Variants in SLC16A12 observed in about 807,000 individuals in gnomAD.
The protein encoded by SLC16A12 is solute carrier family 16 member 12.
SLC16A12 carries 17 observed loss-of-function variants against 42.4 expected under a neutral mutation model. The ratio of observed to expected loss-of-function variants is 0.40; its 90% CI spans 0.27 to 0.60. The LOEUF is 0.60. SLC16A12 is among the 20% of genes least tolerant of loss of function. The pLI, the probability that SLC16A12 is intolerant of heterozygous loss-of-function variation, is 0.42. For missense variants in SLC16A12, 544 were observed against 623.0 expected (o/e 0.87, Z 1.35); for synonymous variants, 224 against 229.4 (o/e 0.98, Z 0.21).
rs1841955215 is a variant in SLC16A12, at chr10:89,443,836, T to G, written c.224A>C (p.Glu75Ala). ...ATCCTGAGTGAAGTATGTCTGGAAC[T>G]CCACAAAAAAAATTGAGATACATCT... ...VTRCISIFFV[E>A]FQTYFTQDYA... Residue 75 changes from glutamate (E) to alanine (A), a missense_variant, in exon 4 of 8, where the codon GAG becomes GCG. Physicochemically the swap from Glu to Ala is moderately radical, Grantham distance 107 (BLOSUM62 -1). Transcript: ENST00000371790. 5 of 1,612,782 alleles carry G rather than the reference T, an allele frequency of 3.1e-6. No individual in the cohort carries two copies. The highest frequency in any genetic ancestry group is 2.2e-5 in the East Asian group (1 of 44,874).
intron 2 of SLC16A12, among the ~76,000 whole-genome samples, chr10:89,511,954 T>C (rs901896361): frequency 6.6e-6 from 1 of 152,166 alleles, no homozygotes; most frequent in African/African-American, 2.4e-5. Flanking sequence ...ATGTGGCACA[T>C]AATGGATTAC....
At chr10:89,517,379 A>G (rs989927376) in intron 2 of SLC16A12, among the ~76,000 whole-genome samples, 6 of 151,994 alleles carry the variant, frequency 3.9e-5, no homozygotes, top group Non-Finnish European at 8.8e-5. Flanking sequence ...CAGTAGCACA[A>G]TCATAGCTCA....
chr10:89,522,199 G>A lies in SLC16A12; in HGVS notation c.-47+12302C>T, dbSNP rs116468571. Among the ~76,000 whole-genome samples, 445 of 152,306 alleles carry A rather than the reference G, an allele frequency of 2.9e-3. 3 individuals are homozygous for A. Among genetic ancestry groups the A allele is most frequent in the African/African-American group, 1.0e-2 (415 of 41,562 alleles). On this transcript the variant is annotated intron_variant, in intron 2 of 7. Coordinates refer to ENST00000371790, the MANE Select transcript of SLC16A12 (RefSeq NM_213606.4). ...CCAGCCCTCACTTCTGAAATCTAGA[G>A]TTGTATTGAGAATTAAGTATCCTTC...
At chr10:89,542,594 GT>G (rs1160879398) in intron 2 of SLC16A12, among the ~76,000 whole-genome samples, 3 of 152,136 alleles carry the variant, frequency 2.0e-5, no homozygotes, top group African/African-American at 7.2e-5. Flanking sequence ...GTGAGCCACA[GT>G]GTCTGGCCTG....
rs1841951675 is a variant in SLC16A12, at chr10:89,443,613, T to C, written c.304+143A>G. 3.5e-5 allele frequency: 24 copies of C among 694,908 alleles called. 1 individual carries two copies. In the South Asian group the frequency reaches 3.9e-4, roughly 11 times the overall value. The allele number at this position is 694,908 out of a possible 1,614,324, so 43.0% of individuals were successfully genotyped here. A position where few individuals can be genotyped will look rare whatever the true frequency, so the allele number is the denominator to read the frequency against. On this transcript the variant is annotated intron_variant, in intron 4 of 7. Transcript: ENST00000371790. Reference sequence around the variant, plus strand: ...CTTTGGCTGAAGATAGGATTGATCTTTTCTTTATATTATATAGTCCTAGCC... The same window carrying C: ...CTTTGGCTGAAGATAGGATTGATCTCTTCTTTATATTATATAGTCCTAGCC...
intron 3 of SLC16A12, among the ~76,000 whole-genome samples, chr10:89,448,244 C>A (rs1842035828): frequency 6.6e-6 from 1 of 152,154 alleles, no homozygotes; most frequent in South Asian, 2.1e-4. Context: ...AGGGAATCCC[C>A]CCTAACTCAT....
intron 2 of SLC16A12, among the ~76,000 whole-genome samples, chr10:89,469,374 A>T (rs2133764398): frequency 6.6e-6 from 1 of 152,332 alleles, no homozygotes. Flanking sequence ...TCATTTGCAA[A>T]AATTCTTGCT....
intron 2 of SLC16A12, among the ~76,000 whole-genome samples, chr10:89,495,677 C>T (rs920664369): frequency 7.9e-5 from 12 of 152,278 alleles, no homozygotes; most frequent in African/African-American, 2.9e-4. Flanking sequence ...TCATTTAACA[C>T]AGACCCTATT....
intron 2 of SLC16A12, among the ~76,000 whole-genome samples, chr10:89,531,260 A>G (rs1044803191): frequency 6.6e-6 from 1 of 151,826 alleles, no homozygotes; most frequent in East Asian, 1.9e-4. Context: ...TTAGCCAGGC[A>G]TGGTGGTGGA....
chr10:89,436,371 G>A, intron 6 of SLC16A12, 52 bp from the exon 7 acceptor site: 1 of 1,606,672 alleles, frequency 6.2e-7, no homozygotes, highest in Non-Finnish European at 8.5e-7. Flanking sequence ...TTCTGTAAAA[G>A]AGCTTTAGAG....
chr10:89,473,482 T>C (rs890288083), intron 2 of SLC16A12, among the ~76,000 whole-genome samples: 1 of 152,182 alleles, frequency 6.6e-6, no homozygotes. Flanking sequence ...AAAAAATCTT[T>C]ATAACTTGGG....
chr10:89,520,820 TA>T (rs1196207964), intron 2 of SLC16A12, among the ~76,000 whole-genome samples: 1 of 152,060 alleles, frequency 6.6e-6, no homozygotes, highest in Non-Finnish European at 1.5e-5. Flanking sequence ...GATCTCAGCT[TA>T]ACTGAGATTG....
intron 7 of SLC16A12, among the ~76,000 whole-genome samples, chr10:89,434,386 C>G (rs1005574831): frequency 6.6e-6 from 1 of 152,156 alleles, no homozygotes; most frequent in Non-Finnish European, 1.5e-5. Context: ...GTCCTGTGAC[C>G]TTTGATAGAA....
At chr10:89,539,513 G>C (rs937082705), upstream of SLC16A12, among the ~76,000 whole-genome samples, 5 of 152,152 alleles carry the variant, frequency 3.3e-5, no homozygotes, top group Non-Finnish European at 4.4e-5. Flanking sequence ...TGACACCTTA[G>C]GGTACATCCA....
At chr10:89,551,061 T>C (rs1217389532) in intron 2 of SLC16A12, among the ~76,000 whole-genome samples, 4 of 152,162 alleles carry the variant, frequency 2.6e-5, no homozygotes, top group East Asian at 3.9e-4. Flanking sequence ...GTAATCAAGT[T>C]AGAAAGGTCC....
chr10:89,548,806 ACT>A (rs1374312432), intron 2 of SLC16A12, among the ~76,000 whole-genome samples: 4 of 152,208 alleles, frequency 2.6e-5, no homozygotes, highest in Admixed American at 2.0e-4. Context: ...ACAGAGCGAG[ACT>A]CTGTCTCAAA....
At chr10:89,491,288 G>A (rs763095708) in intron 2 of SLC16A12, among the ~76,000 whole-genome samples, 2 of 152,166 alleles carry the variant, frequency 1.3e-5, no homozygotes, top group Non-Finnish European at 2.9e-5. Flanking sequence ...CAGGAGCTGA[G>A]TTGCAACCAG....
intron 2 of SLC16A12, among the ~76,000 whole-genome samples, chr10:89,496,372 G>A (rs1842922243): frequency 6.6e-6 from 1 of 151,936 alleles, no homozygotes; most frequent in Non-Finnish European, 1.5e-5. Context: ...AAAATTTAAT[G>A]GAAGGATCAG....
upstream of SLC16A12, among the ~76,000 whole-genome samples, chr10:89,535,838 G>A (rs1012073445): frequency 6.8e-6 from 1 of 147,658 alleles, no homozygotes; most frequent in Non-Finnish European, 1.5e-5. Context: ...CGGAGGCGCC[G>A]GCGAGGCTGG....
Sources: gnomAD v4.1 joint callset for allele counts (sites outside exome capture counted in the v4.1 genomes callset) on GRCh38, gnomAD v4.1.1 for gene constraint, MANE v1.5 for transcripts, NCBI Gene and HGNC (gene_info 2026-07-23, HGNC 2026-07-21) for gene names.